The following PTPRD variants were observed in gnomAD, a reference collection of about 807,000 sequenced individuals.
The protein encoded by PTPRD is protein tyrosine phosphatase receptor type D, also known as receptor-type tyrosine-protein phosphatase delta.
A neutral mutation model predicts 214.5 loss-of-function variants in PTPRD; 34 were observed. The ratio of observed to expected loss-of-function variants is 0.16; its 90% CI spans 0.12 to 0.21. The LOEUF (loss-of-function observed/expected upper bound fraction) is 0.21. Among genes scored for constraint, PTPRD ranks in the 10% least tolerant of loss-of-function variants. PTPRD has a pLI of 1.00. For missense variants in PTPRD, 2,545 were observed against 2,398.7 expected (o/e 1.06, Z -1.27); for synonymous variants, 1,128 against 845.7 (o/e 1.33, Z -5.79).
chr9:9,354,236 C>A (rs2052723036), intron 9 of PTPRD, among the ~76,000 whole-genome samples: 1 of 151,736 alleles, frequency 6.6e-6, no homozygotes, highest in African/African-American at 2.4e-5. Flanking sequence ...ATGACTGTTC[C>A]ATCATATTTA....
rs549952567 is a variant in PTPRD, at chr9:9,833,452, C to T, written c.-367-66601G>A. On this transcript the variant is annotated intron_variant, in intron 5 of 45. Transcript: ENST00000381196. ...TATCACAAGGCAAGTGGAGGCAGGG[C>T]GAGATCACAGGACCACAGGACCGAG... Among the ~76,000 whole-genome samples the T allele has an allele frequency of 9.9e-5, 15 of 151,802 alleles. No homozygotes were observed. In the South Asian group the frequency reaches 2.9e-3, roughly 29 times the overall value.
chr9:10,246,957 T>C (rs2092212788), intron 3 of PTPRD, among the ~76,000 whole-genome samples: 1 of 151,654 alleles, frequency 6.6e-6, no homozygotes, highest in Non-Finnish European at 1.5e-5. Context: ...TAAAATAAAA[T>C]GTCTTAAGGC....
At chr9:8,403,256 T>C (rs1168350608) in intron 36 of PTPRD, among the ~76,000 whole-genome samples, 1 of 152,212 alleles carries the variant, frequency 6.6e-6, no homozygotes. Context: ...CTCGAACAAC[T>C]ACAGATGAAC....
At chr9:9,999,700 G>T (rs1223322846) in intron 4 of PTPRD, among the ~76,000 whole-genome samples, 1 of 152,124 alleles carries the variant, frequency 6.6e-6, no homozygotes, top group Non-Finnish European at 1.5e-5. Context: ...GTAATATTTT[G>T]CCTCATTATA....
At chr9:9,899,067 C>A (rs528755436) in intron 5 of PTPRD, among the ~76,000 whole-genome samples, 2 of 152,160 alleles carry the variant, frequency 1.3e-5, no homozygotes, top group East Asian at 3.9e-4. Context: ...GGTCAATACA[C>A]AAAAGTCAAT....
rs577930302 is a variant in PTPRD, at chr9:10,303,076, G to A, written c.-545+37887C>T. 1.6e-4 allele frequency among the ~76,000 whole-genome samples: 24 copies of A among 152,278 alleles called. No individual in the cohort carries two copies. In the South Asian group the frequency reaches 3.9e-3, roughly 25 times the overall value. ...AACAAACAGTCTCTCAGACCACAGT[G>A]CAATCAAGTTAGAACTCAGGATTAA... On this transcript the variant is annotated intron_variant, in intron 3 of 45. Transcript: ENST00000381196.
intron 10 of PTPRD, among the ~76,000 whole-genome samples, chr9:9,052,363 T>C (rs2099687665): frequency 6.6e-6 from 1 of 152,192 alleles, no homozygotes; most frequent in Non-Finnish European, 1.5e-5. Context: ...AATAAGAATA[T>C]TGGAATCCAG....
At chr9:10,457,905 T>A (rs1013638848) in intron 2 of PTPRD, among the ~76,000 whole-genome samples, 3 of 151,958 alleles carry the variant, frequency 2.0e-5, no homozygotes, top group Admixed American at 2.0e-4. Flanking sequence ...ATGTAAAGGA[T>A]CATAAGGAAC....
chr9:10,376,098 C>T (rs2097722854), intron 2 of PTPRD, among the ~76,000 whole-genome samples: 1 of 151,900 alleles, frequency 6.6e-6, no homozygotes, highest in South Asian at 2.1e-4. Context: ...TGTTGTTCAT[C>T]TCATATTTAA....
intron 4 of PTPRD, among the ~76,000 whole-genome samples, chr9:10,031,864 G>T (rs1202243947): frequency 1.3e-5 from 2 of 151,644 alleles, no homozygotes; most frequent in Non-Finnish European, 2.9e-5. Context: ...TGGTGAATTG[G>T]CCCCTGGATA....
At chr9:10,092,098 G>T (rs1198300816) in intron 3 of PTPRD, among the ~76,000 whole-genome samples, 1 of 151,520 alleles carries the variant, frequency 6.6e-6, no homozygotes, top group South Asian at 2.1e-4. Flanking sequence ...TTCTGCCAGA[G>T]TTCCATGCAA....
Position 8,465,492 on chromosome 9 carries a change from A to C in PTPRD, c.3688T>G (p.Leu1230Val), listed in dbSNP as rs773537752. The change falls in exon 32 of 46, where the codon TTA (leucine) becomes GTA (valine). Residue 1230 changes from leucine to valine, a missense_variant. By Grantham distance (32) the Leu-to-Val change is conservative. Coordinates refer to ENST00000381196, the MANE Select transcript of PTPRD (RefSeq NM_002839.4). Reference protein sequence around the residue: ...QSGQEYVFFVLAVMEHAESKM... With the variant: ...QSGQEYVFFVVAVMEHAESKM... ...GACTCTGCATGTTCCATTACTGCTA[A>C]CACAAAGAAGACATATTCTTGACCA... The C allele has an allele frequency of 1.1e-5, 18 of 1,612,438 alleles. No homozygotes were observed. The highest frequency in any genetic ancestry group is 1.5e-5 in the Non-Finnish European group (18 of 1,178,884).
rs1162110652 is a variant in PTPRD at position 8,636,737 on chromosome 9, T to G, written c.172A>C (p.Asn58His). 1.9e-6 allele frequency: 3 copies of G among 1,614,062 alleles called. No homozygotes were observed. The highest frequency in any genetic ancestry group is 8.5e-7 in the Non-Finnish European group (1 of 1,179,960). The change falls in exon 13 of 46, where the codon AAC (asparagine) becomes CAC (histidine). Residue 58 changes from asparagine (N) to histidine (H), a missense_variant. Transcript: ENST00000381196. ...TGDPRPKIVW[N>H]KKGKKVSNQR... ...TTGCTGACTTTCTTTCCTTTTTTGT[T>G]CCAGACAATTTTAGGTCTTGGGTCT...
intron 23 of PTPRD, among the ~76,000 whole-genome samples, chr9:8,502,848 G>GTGTATA (rs1554658829): frequency 2.4e-4 from 36 of 147,160 alleles, no homozygotes; most frequent in African/African-American, 7.5e-4. Context: ...ATGTGTGTGT[G>GTGTATA]TATATATATA....
Position 8,572,702 on chromosome 9 carries a change from T to C in PTPRD, c.353-43923A>G, listed in dbSNP as rs146241788. Among the ~76,000 whole-genome samples, 253 of 151,982 alleles carry C rather than the reference T, an allele frequency of 1.7e-3. 2 individuals are homozygous for C. Among genetic ancestry groups the C allele is most frequent in the African/African-American group, 5.8e-3 (242 of 41,492 alleles). On this transcript the variant is annotated intron_variant, in intron 14 of 45. Coordinates refer to ENST00000381196, the MANE Select transcript of PTPRD (RefSeq NM_002839.4). ...TTCAGAAATAGATTATATCAAAACC[T>C]AGCAGGAAGTCTAGTGTTACTCCTT...
intron 12 of PTPRD, among the ~76,000 whole-genome samples, chr9:8,723,151 C>G (rs951506036): frequency 1.3e-5 from 2 of 152,148 alleles, no homozygotes; most frequent in African/African-American, 4.8e-5. Context: ...TGATGTGTCT[C>G]CTGGACCTTA....
At chr9:8,669,404 T>C (rs959066796) in intron 12 of PTPRD, among the ~76,000 whole-genome samples, 8 of 152,048 alleles carry the variant, frequency 5.3e-5, no homozygotes, top group Non-Finnish European at 1.2e-4. Flanking sequence ...TAAGACCCAA[T>C]ATGCAGTCCA....
chr9:10,439,204 G>C (rs967959720), intron 2 of PTPRD, among the ~76,000 whole-genome samples: 1 of 150,828 alleles, frequency 6.6e-6, no homozygotes, highest in Non-Finnish European at 1.5e-5. Context: ...TTCAGACTCC[G>C]GCATGTTTTG....
chr9:9,791,083 T>C (rs1167884618), intron 5 of PTPRD, among the ~76,000 whole-genome samples: 5 of 152,178 alleles, frequency 3.3e-5, no homozygotes, highest in East Asian at 3.8e-4. Flanking sequence ...ATTTCTACTC[T>C]AGTAAAATTT....
Sources: gnomAD v4.1 joint callset for allele counts (sites outside exome capture counted in the v4.1 genomes callset) on GRCh38, gnomAD v4.1.1 for gene constraint, MANE v1.5 for transcripts, NCBI Gene and HGNC (gene_info 2026-07-23, HGNC 2026-07-21) for gene names.